Variants in CSRNP3 observed in about 807,000 individuals in gnomAD.
CSRNP3 encodes cysteine/serine-rich nuclear protein 3.
CSRNP3 carries 12 observed loss-of-function variants against 48.0 expected under a neutral mutation model. That is an observed-to-expected ratio of 0.25 (90% confidence interval 0.16 to 0.41). The LOEUF (loss-of-function observed/expected upper bound fraction) is 0.41. Ranked by LOEUF, CSRNP3 falls within the 10% of genes least tolerant of loss-of-function variation. CSRNP3 has a pLI of 1.00. For missense variants in CSRNP3, 580 were observed against 724.4 expected (o/e 0.80, Z 2.29); for synonymous variants, 263 against 269.7 (o/e 0.98, Z 0.24).
intron 4 of CSRNP3, among the ~76,000 whole-genome samples, chr2:165,628,680 C>T (rs1040956348): frequency 1.3e-5 from 2 of 152,080 alleles, no homozygotes; most frequent in African/African-American, 2.4e-5. Flanking sequence ...GGCGAGATGG[C>T]GCCATCACAC....
At chr2:165,540,860 A>G (rs1022590613) in intron 3 of CSRNP3, among the ~76,000 whole-genome samples, 1 of 151,964 alleles carries the variant, frequency 6.6e-6, no homozygotes, top group Non-Finnish European at 1.5e-5. Context: ...GTCCTTCTCT[A>G]TTTATCTTTA....
At chr2:165,610,592 G>A (rs1174108479) in intron 4 of CSRNP3, among the ~76,000 whole-genome samples, 1 of 152,052 alleles carries the variant, frequency 6.6e-6, no homozygotes, top group Non-Finnish European at 1.5e-5. Flanking sequence ...TTATTTGAGT[G>A]GTATTTTCAT....
intron 3 of CSRNP3, among the ~76,000 whole-genome samples, chr2:165,581,796 C>G (rs951948054): frequency 6.6e-6 from 1 of 152,178 alleles, no homozygotes; most frequent in Admixed American, 6.5e-5. Context: ...CTCTGCCTCC[C>G]AAAGTGCTAG....
rs56307375 is a variant in CSRNP3, at chr2:165,573,270, A to T, written c.-23-21773A>T. Among the ~76,000 whole-genome samples, 353 of 152,204 alleles carry T rather than the reference A, an allele frequency of 2.3e-3. 2 individuals are homozygous for T. The highest frequency in any genetic ancestry group is 8.1e-3 in the African/African-American group (336 of 41,532). On this transcript the variant is annotated intron_variant, in intron 3 of 6. Coordinates refer to ENST00000651982, the MANE Select transcript of CSRNP3 (RefSeq NM_001172173.2). ...TATTCATTGATATTTAGAGAAAAAC[A>T]AATTTGCTTAATTTTTAAGAGAAGA...
At position 165,688,328 on chromosome 2, in the gene CSRNP3, T is replaced by C. The variant is rs1014545361; in HGVS notation, c.*8575T>C. The C allele has an allele frequency of 6.6e-6, 1 of 152,156 alleles. No homozygotes were observed. Among genetic ancestry groups the C allele is most frequent in the Admixed American group, 6.6e-5 (1 of 15,254 alleles). 9.4% of individuals were successfully genotyped at this position (152,156 alleles called of 1,614,324 possible). On this transcript the variant is annotated 3_prime_UTR_variant, in exon 7 of 7. Transcript: ENST00000651982. ...AAGTTGATCTGCTTTATTTTTAGTTTATTGAATTTCTGGTGTACTAGCCTC... is the reference window on the plus strand; with the variant it reads ...AAGTTGATCTGCTTTATTTTTAGTTCATTGAATTTCTGGTGTACTAGCCTC...
At chr2:165,530,198 G>A (rs1261197299) in intron 3 of CSRNP3, among the ~76,000 whole-genome samples, 2 of 152,064 alleles carry the variant, frequency 1.3e-5, no homozygotes, top group Non-Finnish European at 2.9e-5. Flanking sequence ...AACTACAAAA[G>A]TCCTTTCAAA....
At chr2:165,626,475 G>A (rs1686438121) in intron 4 of CSRNP3, among the ~76,000 whole-genome samples, 1 of 152,156 alleles carries the variant, frequency 6.6e-6, no homozygotes, top group Non-Finnish European at 1.5e-5. Flanking sequence ...TGTACTGCAG[G>A]TACATAAACA....
intron 5 of CSRNP3, among the ~76,000 whole-genome samples, chr2:165,667,319 A>G (rs1199228729): frequency 6.6e-6 from 1 of 152,196 alleles, no homozygotes; most frequent in Non-Finnish European, 1.5e-5. Flanking sequence ...TTTTAATTGA[A>G]AAATGGACAC....
At chr2:165,544,920 A>G (rs1326263680) in intron 3 of CSRNP3, among the ~76,000 whole-genome samples, 1 of 152,228 alleles carries the variant, frequency 6.6e-6, no homozygotes, top group African/African-American at 2.4e-5. Flanking sequence ...TCTACAATTT[A>G]ACGAAAAGGT....
intron 3 of CSRNP3, among the ~76,000 whole-genome samples, chr2:165,583,222 A>T (rs1002006269): frequency 6.6e-6 from 1 of 152,210 alleles, no homozygotes; most frequent in Non-Finnish European, 1.5e-5. Flanking sequence ...GCAGAAATAT[A>T]TATCCTTTTT....
chr2:165,571,912 TC>T (rs1356748325), intron 3 of CSRNP3, among the ~76,000 whole-genome samples: 1 of 152,094 alleles, frequency 6.6e-6, no homozygotes, highest in Non-Finnish European at 1.5e-5. Flanking sequence ...ACAGCAATTA[TC>T]TTTTTACAAA....
intron 1 of CSRNP3, among the ~76,000 whole-genome samples, chr2:165,475,014 T>A (rs1195762618): frequency 6.6e-6 from 1 of 152,194 alleles, no homozygotes; most frequent in African/African-American, 2.4e-5. Context: ...ACAAATAGTT[T>A]CCTAAACAGG....
intron 1 of CSRNP3, among the ~76,000 whole-genome samples, chr2:165,485,072 A>C (rs1684094480): frequency 6.6e-6 from 1 of 152,208 alleles, no homozygotes. Flanking sequence ...AATTATAAAC[A>C]ACAGAAATTT....
At chr2:165,637,066 C>T (rs745928762) in intron 4 of CSRNP3, among the ~76,000 whole-genome samples, 7 of 152,124 alleles carry the variant, frequency 4.6e-5, no homozygotes, top group African/African-American at 1.2e-4. Flanking sequence ...GATAGAATAG[C>T]ACAAAGTATG....
intron 5 of CSRNP3, among the ~76,000 whole-genome samples, chr2:165,670,823 G>C (rs1368349589): frequency 2.8e-5 from 4 of 144,906 alleles, no homozygotes; most frequent in African/African-American, 1.0e-4. Flanking sequence ...AAGAGTCAAG[G>C]CTATTTGGTA....
rs1428346864 is a variant in CSRNP3, at chr2:165,679,569, A to G, written c.1574A>G (p.Asn525Ser). 6.2e-7 allele frequency: 1 copy of G among 1,613,808 alleles called. No homozygotes were observed. The highest frequency in any genetic ancestry group is 2.2e-5 in the East Asian group (1 of 44,840). Residue 525 changes from asparagine (N) to serine (S), a missense_variant, in exon 7 of 7, where the codon AAT becomes AGT. This residue lies in a region of CSRNP3 where 369 missense variants were observed against 380.8 expected (regional missense o/e 0.97). Coordinates refer to ENST00000651982, the MANE Select transcript of CSRNP3 (RefSeq NM_001172173.2). ...CNSLYPEHRS[N>S]HPQVEFHSYL... The stretch of plus-strand genomic sequence containing the variant: ...AGTTTATATCCTGAACACAGGTCCA[A>G]TCACCCTCAAGTGGAATTTCACTCA...
At chr2:165,556,099 A>G (rs1685157483) in intron 3 of CSRNP3, among the ~76,000 whole-genome samples, 1 of 152,192 alleles carries the variant, frequency 6.6e-6, no homozygotes, top group African/African-American at 2.4e-5. Flanking sequence ...AGACAGCAGT[A>G]GCAGGGATGC....
chr2:165,686,047 T>C lies in CSRNP3; in HGVS notation c.*6294T>C, dbSNP rs1362180821. 1 of 152,124 alleles carries C rather than the reference T, an allele frequency of 6.6e-6. No individual in the cohort carries two copies. Among genetic ancestry groups the C allele is most frequent in the Non-Finnish European group, 1.5e-5 (1 of 67,986 alleles). The allele number at this position is 152,124 out of a possible 1,614,324, so 9.4% of individuals were successfully genotyped here. ...TGACCTGATTGAACAGTTTTAGTTG[T>C]AACTTTAGAGTAGCTTCTTTGTTAG... On this transcript the variant is annotated 3_prime_UTR_variant, in exon 7 of 7. Coordinates refer to ENST00000651982, the MANE Select transcript of CSRNP3 (RefSeq NM_001172173.2).
At chr2:165,572,791 A>T (rs1457748594) in intron 3 of CSRNP3, among the ~76,000 whole-genome samples, 1 of 152,214 alleles carries the variant, frequency 6.6e-6, no homozygotes, top group African/African-American at 2.4e-5. Flanking sequence ...CATTATATTA[A>T]ACTGAAAAGT....
Sources: allele counts gnomAD v4.1 joint callset (sites outside exome capture counted in the v4.1 genomes callset), GRCh38; gene constraint gnomAD v4.1.1; regional missense constraint gnomAD v4.1.1; transcripts MANE v1.5; gene names NCBI Gene and HGNC (gene_info 2026-07-23, HGNC 2026-07-21).